Variants in GPC6 observed in about 807,000 individuals in gnomAD.
GPC6 encodes the protein glypican-6.
Under a neutral mutation model 55.2 loss-of-function variants are expected in GPC6, and 14 were observed. The ratio of observed to expected loss-of-function variants is 0.25; its 90% confidence interval spans 0.17 to 0.40. The LOEUF (loss-of-function observed/expected upper bound fraction) is 0.40, where lower values mean the gene tolerates loss of function less well. Ranked by LOEUF, GPC6 falls within the 10% of genes least tolerant of loss-of-function variation. GPC6 has a pLI of 1.00. For missense variants in GPC6, 641 were observed against 708.5 expected (o/e 0.90, Z 1.08); for synonymous variants, 278 against 259.6 (o/e 1.07, Z -0.68).
intron 2 of GPC6, among the ~76,000 whole-genome samples, chr13:93,789,614 T>TACTACAC (rs1451353645): frequency 5.1e-5 from 2 of 39,422 alleles, no homozygotes; most frequent in African/African-American, 2.3e-4. Context: ...TATATATATA[T>TACTACAC]ATATATATAT....
intron 4 of GPC6, among the ~76,000 whole-genome samples, chr13:94,134,486 C>T (rs1887113399): frequency 6.6e-6 from 1 of 152,150 alleles, no homozygotes; most frequent in South Asian, 2.1e-4. Context: ...CTCAGTTTTG[C>T]CTATTAAAGT....
rs1374625354 is a variant in GPC6, at chr13:94,243,264, C to A, written c.878-43085C>A. ...AACCCTGTTTTTCAGTTTCAACAGG[C>A]CTTACATCTACAAATCTGCCACCAA... On this transcript the variant is annotated intron_variant, in intron 4 of 8. Coordinates refer to ENST00000377047, the MANE Select transcript of GPC6 (RefSeq NM_005708.5). Among the ~76,000 whole-genome samples, 7 of 152,050 alleles carry A rather than the reference C, an allele frequency of 4.6e-5. No homozygotes were observed. In the South Asian group the frequency reaches 6.2e-4, roughly 14 times the overall value.
At chr13:93,626,180 A>G (rs1879193881) in intron 2 of GPC6, among the ~76,000 whole-genome samples, 1 of 152,194 alleles carries the variant, frequency 6.6e-6, no homozygotes, top group Non-Finnish European at 1.5e-5. Context: ...ACGTGCATAC[A>G]TACACACACA....
chr13:93,836,866 T>C (rs1401682419), intron 3 of GPC6, among the ~76,000 whole-genome samples: 2 of 152,122 alleles, frequency 1.3e-5, no homozygotes, highest in African/African-American at 4.8e-5. Context: ...CACTAGAAAT[T>C]ACAAGAGTAT....
chr13:94,042,088 C>T (rs1040599238), intron 4 of GPC6, among the ~76,000 whole-genome samples: 6 of 151,720 alleles, frequency 4.0e-5, no homozygotes, highest in Admixed American at 1.3e-4. Flanking sequence ...TTGCTACTGT[C>T]GTCATGATAG....
intron 5 of GPC6, among the ~76,000 whole-genome samples, chr13:94,304,489 A>G (rs1205943476): frequency 2.0e-5 from 3 of 152,240 alleles, no homozygotes; most frequent in Non-Finnish European, 2.9e-5. Context: ...TTGCAAGTAT[A>G]CTACATGCAA....
chr13:94,184,071 A>ATTC (rs1214887696), intron 4 of GPC6, among the ~76,000 whole-genome samples: 2 of 152,274 alleles, frequency 1.3e-5, no homozygotes, highest in South Asian at 2.1e-4. Flanking sequence ...AAACGGTTTC[A>ATTC]TTCTGCATAT....
At chr13:94,252,049 A>G (rs1891366610) in intron 4 of GPC6, among the ~76,000 whole-genome samples, 1 of 152,100 alleles carries the variant, frequency 6.6e-6, no homozygotes, top group Admixed American at 6.6e-5. Flanking sequence ...GGCACCGCTA[A>G]CAACTGTGGA....
At chr13:93,322,631 G>C (rs1222872269) in intron 1 of GPC6, among the ~76,000 whole-genome samples, 1 of 151,076 alleles carries the variant, frequency 6.6e-6, no homozygotes, top group African/African-American at 2.4e-5. Context: ...GTAGAGATGG[G>C]GTTTCACCAT....
chr13:94,286,203 T>G, intron 4 of GPC6, 146 bp from the exon 5 acceptor site: 13 of 687,830 alleles, frequency 1.9e-5, no homozygotes, highest in Non-Finnish European at 3.2e-5. Flanking sequence ...TTCAGTCATC[T>G]ATTTCATTTT....
At chr13:94,227,748 C>T (rs765544215) in intron 4 of GPC6, among the ~76,000 whole-genome samples, 2 of 152,088 alleles carry the variant, frequency 1.3e-5, no homozygotes, top group Non-Finnish European at 2.9e-5. Context: ...GCTACCTGTC[C>T]ATCCATGCTG....
chr13:93,372,710 T>C (rs762921911), intron 1 of GPC6, among the ~76,000 whole-genome samples: 11 of 152,326 alleles, frequency 7.2e-5, no homozygotes, highest in Non-Finnish European at 1.5e-4. Flanking sequence ...AAGGCAATAT[T>C]TTCTATACAA....
At chr13:94,314,176 A>G (rs780042142) in intron 6 of GPC6, among the ~76,000 whole-genome samples, 92 of 152,222 alleles carry the variant, frequency 6.0e-4, no homozygotes, top group Non-Finnish European at 1.2e-3. Flanking sequence ...AGAACAGTAC[A>G]TAGTATAGAG....
chr13:93,569,077 C>A (rs1876276426), intron 2 of GPC6, among the ~76,000 whole-genome samples: 2 of 152,102 alleles, frequency 1.3e-5, no homozygotes, highest in African/African-American at 4.8e-5. Context: ...AGACTTTTTT[C>A]AAAGATCTTA....
At chr13:93,705,333 A>G (rs1882813080) in intron 2 of GPC6, among the ~76,000 whole-genome samples, 1 of 151,940 alleles carries the variant, frequency 6.6e-6, no homozygotes, top group Non-Finnish European at 1.5e-5. Flanking sequence ...ATAAGAATAG[A>G]AATTGAGAGA....
At chr13:94,014,600 G>C (rs746907287) in intron 3 of GPC6, among the ~76,000 whole-genome samples, 1 of 152,102 alleles carries the variant, frequency 6.6e-6, no homozygotes, top group Non-Finnish European at 1.5e-5. Context: ...AAGCACCACT[G>C]TTCCCATAAT....
At chr13:93,339,549 G>A (rs1880165623) in intron 1 of GPC6, among the ~76,000 whole-genome samples, 1 of 151,954 alleles carries the variant, frequency 6.6e-6, no homozygotes, top group Admixed American at 6.6e-5. Flanking sequence ...AATAATTGTT[G>A]AATGCATGAG....
At chr13:94,098,352 C>T (rs1885738213) in intron 4 of GPC6, among the ~76,000 whole-genome samples, 1 of 152,076 alleles carries the variant, frequency 6.6e-6, no homozygotes, top group Non-Finnish European at 1.5e-5. Flanking sequence ...CTGTTACTTT[C>T]CTTAGCCTAT....
intron 2 of GPC6, among the ~76,000 whole-genome samples, chr13:93,644,768 A>G (rs1162042382): frequency 8.7e-4 from 10 of 11,480 alleles, no homozygotes; most frequent in Non-Finnish European, 8.2e-4. Flanking sequence ...CATCAAGAGT[A>G]AATAAATAAA....
Sources: allele counts gnomAD v4.1 joint callset (sites outside exome capture counted in the v4.1 genomes callset), GRCh38; gene constraint gnomAD v4.1.1; transcripts MANE v1.5; gene names NCBI Gene and HGNC (gene_info 2026-07-23, HGNC 2026-07-21).